The following MVB12B variants were observed in gnomAD, a reference collection of about 807,000 sequenced individuals.
MVB12B encodes the protein multivesicular body subunit 12B.
In MVB12B, 16 loss-of-function variants were observed where a neutral mutation model predicts 41.6. The ratio of observed to expected loss-of-function variants is 0.38; its 90% CI spans 0.26 to 0.58. The LOEUF (loss-of-function observed/expected upper bound fraction) is 0.58, where lower values mean the gene tolerates loss of function less well. Ranked by LOEUF, MVB12B falls within the 20% of genes least tolerant of loss-of-function variation. MVB12B has a pLI of 0.62. For synonymous variants in MVB12B, 133 were observed against 139.7 expected, an observed-to-expected ratio of 0.95 and a Z score of 0.34; for missense variants, 274 against 380.2, an observed-to-expected ratio of 0.72 and a Z score of 2.32.
chr9:126,329,682 G>A (rs2118777823), intron 1 of MVB12B, among the ~76,000 whole-genome samples: 1 of 152,324 alleles, frequency 6.6e-6, no homozygotes, highest in African/African-American at 2.4e-5. Context: ...TTGCCACACT[G>A]CAAAATAATG....
At position 126,480,070 on chromosome 9, in the gene MVB12B, G is replaced by T. The variant is rs1010829512; in HGVS notation, c.758-1299G>T. 6.6e-6 allele frequency among the ~76,000 whole-genome samples: 1 copy of T among 152,312 alleles called. No individual in the cohort carries two copies. Among genetic ancestry groups the T allele is most frequent in the African/African-American group, 2.4e-5 (1 of 41,566 alleles). ...GGAGACACTGGGGGAAGCAAAGATT[G>T]TTGGTCCCAGGAGCGCACTGCCCGA... On this transcript the variant is annotated intron_variant, in intron 7 of 9. Transcript: ENST00000361171. The surrounding 1 kb of genome is among the most constrained non-coding windows in gnomAD (Gnocchi z 4.9).
chr9:126,332,106 G>A (rs944481627), intron 1 of MVB12B, among the ~76,000 whole-genome samples: 1 of 152,132 alleles, frequency 6.6e-6, no homozygotes, highest in Admixed American at 6.5e-5. Flanking sequence ...CAGTCCCTGT[G>A]TGTTCACACC....
At chr9:126,413,349 AG>A (rs570014834) in intron 6 of MVB12B, among the ~76,000 whole-genome samples, 6 of 152,108 alleles carry the variant, frequency 3.9e-5, no homozygotes, top group East Asian at 3.8e-4. Flanking sequence ...CCTGTGGAGT[AG>A]GGGGGGTCTC....
chr9:126,434,450 C>T (rs1313195385), intron 7 of MVB12B, among the ~76,000 whole-genome samples: 2 of 152,242 alleles, frequency 1.3e-5, no homozygotes, highest in East Asian at 1.9e-4. Context: ...CATGAACGAT[C>T]GCATGATCCA....
intron 7 of MVB12B, among the ~76,000 whole-genome samples, chr9:126,439,793 A>G (rs145051706): frequency 9.5e-4 from 145 of 152,362 alleles, no homozygotes; most frequent in African/African-American, 3.2e-3. Flanking sequence ...TTTGGTAGTA[A>G]TGCTTTCATC....
rs1166114817 is a variant in MVB12B at position 126,505,074 on chromosome 9, G to C, written c.*1811G>C. ...CAGGTGGGGGCAGCAGGAGGGCAGA[G>C]GGCAGAGCTCTGGCCACTTCTGCCC... On this transcript the variant is annotated 3_prime_UTR_variant, in exon 10 of 10. Coordinates refer to ENST00000361171, the MANE Select transcript of MVB12B (RefSeq NM_033446.3). 6.6e-6 allele frequency: 1 copy of C among 152,468 alleles called. No individual in the cohort carries two copies. Among genetic ancestry groups the C allele is most frequent in the Non-Finnish European group, 1.5e-5 (1 of 68,098 alleles). The allele number at this position is 152,468 out of a possible 1,614,324, so 9.4% of individuals were successfully genotyped here.
chr9:126,354,486 GTATC>G (rs1829830301), intron 2 of MVB12B, among the ~76,000 whole-genome samples: 1 of 152,218 alleles, frequency 6.6e-6, no homozygotes, highest in African/African-American at 2.4e-5. Context: ...GAGTCTCAGA[GTATC>G]TTCCACAAAA....
chr9:126,481,301 C>A, intron 7 of MVB12B, 68 bp from the exon 8 acceptor site: 1 of 1,285,524 alleles, frequency 7.8e-7, no homozygotes, highest in Non-Finnish European at 1.1e-6. Context: ...TCGACATCTT[C>A]AGTTGCTGGA....
chr9:126,350,340 G>T (rs1433229865), intron 2 of MVB12B, among the ~76,000 whole-genome samples: 1 of 152,110 alleles, frequency 6.6e-6, no homozygotes, highest in Non-Finnish European at 1.5e-5. Flanking sequence ...TAATTTTGAT[G>T]AAGTCCAATT....
intron 7 of MVB12B, among the ~76,000 whole-genome samples, chr9:126,442,207 A>G (rs1832657803): frequency 6.6e-6 from 1 of 152,232 alleles, no homozygotes; most frequent in Non-Finnish European, 1.5e-5. Flanking sequence ...TGCAGTTTAC[A>G]GTTCTTCAGG....
chr9:126,339,182 GA>G (rs1319911287), intron 1 of MVB12B, among the ~76,000 whole-genome samples: 1 of 152,198 alleles, frequency 6.6e-6, no homozygotes, highest in East Asian at 1.9e-4. Flanking sequence ...CTTCATGGGA[GA>G]CTTGCATACA....
intron 2 of MVB12B, among the ~76,000 whole-genome samples, chr9:126,371,844 T>G (rs377558619): frequency 6.6e-6 from 1 of 152,222 alleles, no homozygotes; most frequent in East Asian, 1.9e-4. Context: ...CCAGGCCTTA[T>G]GCTAAGTACT....
At chr9:126,466,497 T>C (rs780889367) in intron 7 of MVB12B, among the ~76,000 whole-genome samples, 3 of 152,150 alleles carry the variant, frequency 2.0e-5, no homozygotes, top group Non-Finnish European at 2.9e-5. Flanking sequence ...ATCATATTGC[T>C]AGGGGGCACA....
At chr9:126,379,534 A>G (rs1830579515) in intron 2 of MVB12B, among the ~76,000 whole-genome samples, 1 of 152,228 alleles carries the variant, frequency 6.6e-6, no homozygotes, top group Non-Finnish European at 1.5e-5. Context: ...TGGGGGTGAC[A>G]TACTTGGAGC....
chr9:126,413,368 C>A (rs770522263), intron 6 of MVB12B, among the ~76,000 whole-genome samples: 2 of 152,088 alleles, frequency 1.3e-5, no homozygotes, highest in Non-Finnish European at 2.9e-5. Context: ...CTCAGCAACT[C>A]GCCGTAGGAT....
intron 6 of MVB12B, among the ~76,000 whole-genome samples, chr9:126,403,198 T>C (rs1307285929): frequency 6.6e-6 from 1 of 152,252 alleles, no homozygotes; most frequent in Non-Finnish European, 1.5e-5. Flanking sequence ...CTTCCTGTTA[T>C]CCGACCGCCC....
rs985525212 is a variant in MVB12B, at chr9:126,504,381, T to C, written c.*1118T>C. The C allele has an allele frequency of 6.6e-6, 1 of 152,274 alleles. No homozygotes were observed. Among genetic ancestry groups the C allele is most frequent in the African/African-American group, 2.4e-5 (1 of 41,466 alleles). 9.4% of individuals were successfully genotyped at this position (152,274 alleles called of 1,614,324 possible). A position where few individuals can be genotyped will look rare whatever the true frequency, so the allele number is the denominator to read the frequency against. ...CCCGAAGGGCTGCCTCACTCTGTGG[T>C]GTCAGGCACTGGGCTGTGTCCTGAT... On this transcript the variant is annotated 3_prime_UTR_variant, in exon 10 of 10. Coordinates refer to ENST00000361171, the MANE Select transcript of MVB12B (RefSeq NM_033446.3).
chr9:126,398,269 T>A (rs755597172), intron 6 of MVB12B, among the ~76,000 whole-genome samples: 8 of 151,362 alleles, frequency 5.3e-5, no homozygotes, highest in Non-Finnish European at 8.8e-5. Context: ...TCCGAGGAGC[T>A]CCCCAGCGCC....
chr9:126,501,317 G>A (rs10987306), intron 9 of MVB12B, among the ~76,000 whole-genome samples: 36,790 of 152,118 alleles, frequency 0.24, 4,735 homozygotes, highest in South Asian at 0.29. Flanking sequence ...GGACATGGGC[G>A]CATCACCCCA....
Sources: gnomAD v4.1 joint callset for allele counts (sites outside exome capture counted in the v4.1 genomes callset) on GRCh38, gnomAD v4.1.1 for gene constraint, Gnocchi (gnomAD v3.1) non-coding constraint, MANE v1.5 for transcripts, NCBI Gene and HGNC (gene_info 2026-07-23, HGNC 2026-07-21) for gene names.